Variants in LRCH3 observed in about 807,000 individuals in gnomAD.
The protein encoded by LRCH3 is leucine rich repeats and calponin homology domain containing 3, also known as DISP complex protein LRCH3.
A neutral mutation model predicts 104.5 loss-of-function variants in LRCH3; 68 were observed. The observed-to-expected ratio is 0.65, with a 90% CI of 0.54 to 0.80. The LOEUF is 0.80. Among genes scored for constraint, LRCH3 ranks in the 30% least tolerant of loss-of-function variants. The probability of loss-of-function intolerance (pLI) is 0.00; values close to 1 mark genes in which losing one functional copy is unlikely to be tolerated. For missense variants in LRCH3, 951 were observed against 953.9 expected (o/e 1.00, Z 0.04); for synonymous variants, 344 against 361.3 (o/e 0.95, Z 0.54).
At position 197,854,135 on chromosome 3, in the gene LRCH3, T is replaced by C. The variant is rs889006604; in HGVS notation, c.1591-257T>C. On this transcript the variant is annotated intron_variant, in intron 13 of 20. Transcript: ENST00000425562. This position sits in a 1 kb window ranked among gnomAD's most constrained non-coding sequence, Gnocchi z 4.5. ...CATCTCTCTCCAGCTTTCTGTTCCC[T>C]CCTTGCTTTGTAAGGTTTTAGGCAA... 3.3e-5 allele frequency among the ~76,000 whole-genome samples: 5 copies of C among 152,146 alleles called. No individual in the cohort carries two copies.
chr3:197,849,767 C>T (rs1461244397), intron 12 of LRCH3, among the ~76,000 whole-genome samples: 1 of 152,098 alleles, frequency 6.6e-6, no homozygotes, highest in East Asian at 1.9e-4. Flanking sequence ...ACCTAGACTT[C>T]TGAAAGCCTA....
chr3:197,824,656 C>T (rs913951147), intron 4 of LRCH3, among the ~76,000 whole-genome samples: 10 of 150,566 alleles, frequency 6.6e-5, no homozygotes, highest in Non-Finnish European at 2.9e-5. Context: ...AACCTCTGCC[C>T]CCCCGTCCCG....
At chr3:197,880,142 T>C (rs1713582513) in intron 20 of LRCH3, among the ~76,000 whole-genome samples, 1 of 151,296 alleles carries the variant, frequency 6.6e-6, no homozygotes, top group Non-Finnish European at 1.5e-5. Context: ...AGACGGGGTT[T>C]CACCGTGTTA....
chr3:197,791,715 G>C (rs1038597301), intron 1 of LRCH3, among the ~76,000 whole-genome samples, 175 bp downstream of exon 1: 41 of 152,088 alleles, frequency 2.7e-4, no homozygotes, highest in African/African-American at 9.9e-4. Flanking sequence ...GCCAGACCCA[G>C]AGCCTGGGGA....
rs866761228 is a variant in LRCH3 at position 197,791,507 on chromosome 3, G to A, written c.229G>A (p.Ala77Thr). The change falls in exon 1 of 21, where the codon GCC becomes ACC. Residue 77 changes from alanine to threonine, a missense_variant. Transcript: ENST00000425562. ...ACTGAGGGAGTTTCCCCGGGGAGCG[G>A]CCAACCACGACCTGACGGACACCAC... ...RKLREFPRGA[A>T]NHDLTDTTRA... The A allele has an allele frequency of 1.3e-6, 2 of 1,598,184 alleles. No individual in the cohort carries two copies. Among genetic ancestry groups the A allele is most frequent in the Non-Finnish European group, 1.7e-6 (2 of 1,174,228 alleles).
intron 18 of LRCH3, among the ~76,000 whole-genome samples, chr3:197,870,662 G>A (rs1007709672): frequency 2.6e-5 from 4 of 151,974 alleles, no homozygotes; most frequent in African/African-American, 4.8e-5. Context: ...TTCCGCGCCC[G>A]GCTGTAATTT....
rs1238112120 is a variant in LRCH3 at position 197,854,857 on chromosome 3, T to C, written c.1644+412T>C. On this transcript the variant is annotated intron_variant, in intron 14 of 20. Transcript: ENST00000425562. This position sits in a 1 kb window ranked among gnomAD's most constrained non-coding sequence, Gnocchi z 4.5. ...ATTTGGCATCCAATTTTATGATGTA[T>C]TTTCAGCTACTGAAAATCCTTCACT... is the stretch of plus-strand genomic sequence containing the variant. Among the ~76,000 whole-genome samples the C allele has an allele frequency of 6.6e-6, 1 of 152,216 alleles. No homozygotes were observed. The highest frequency in any genetic ancestry group is 1.9e-4 in the East Asian group (1 of 5,194).
At chr3:197,852,538 T>TG (rs756216299) in intron 12 of LRCH3, 23 bp from the exon 13 acceptor site, 2 of 1,612,738 alleles carry the variant, frequency 1.2e-6, no homozygotes, top group African/African-American at 2.7e-5. Context: ...CTTCCTTTTT[T>TG]GGGGGGTTTT....
chr3:197,798,929 A>C (rs368753626), intron 1 of LRCH3, among the ~76,000 whole-genome samples: 2 of 151,958 alleles, frequency 1.3e-5, no homozygotes, highest in Non-Finnish European at 2.9e-5. Flanking sequence ...CCTTGGACCA[A>C]CCTCCTCTCT....
rs1258231065 is a variant in LRCH3, at chr3:197,884,006, GT to G, written c.*345del. ...TTAGGCACAAGCATGCTGTGCCATT[GT>G]TTTTACCTGGTCTCAAGACAACTGG... On this transcript the variant is annotated 3_prime_UTR_variant, in exon 21 of 21. Transcript: ENST00000425562. 3 of 214,012 alleles carry G rather than the reference GT, an allele frequency of 1.4e-5. No homozygotes were observed. Among genetic ancestry groups the G allele is most frequent in the Non-Finnish European group, 2.8e-5 (3 of 108,566 alleles). The allele number at this position is 214,012 out of a possible 1,614,324, so 13.3% of individuals were successfully genotyped here.
chr3:197,888,298 T>TA lies in LRCH3; in HGVS notation c.*4633dup, dbSNP rs1340568156. The TA allele has an allele frequency of 1.3e-5, 2 of 152,248 alleles. No individual in the cohort carries two copies. Among genetic ancestry groups the TA allele is most frequent in the African/African-American group, 4.8e-5 (2 of 41,452 alleles). 9.4% of individuals were successfully genotyped at this position (152,248 alleles called of 1,614,324 possible). Reference sequence around the variant, plus strand: ...AAAGATTTTGTAAAACATTGTCCTGTATTTTTGTCTGTAAATATATTGCAT... The same window carrying TA: ...AAAGATTTTGTAAAACATTGTCCTGTAATTTTTGTCTGTAAATATATTGCAT... On this transcript the variant is annotated 3_prime_UTR_variant, in exon 21 of 21. Transcript: ENST00000425562.
intron 6 of LRCH3, among the ~76,000 whole-genome samples, chr3:197,830,198 A>T (rs1233131327): frequency 6.6e-6 from 1 of 152,194 alleles, no homozygotes; most frequent in African/African-American, 2.4e-5. Context: ...TCCCTCAGCT[A>T]CACAGCCTGT....
At chr3:197,856,000 A>C (rs1046786506) in intron 14 of LRCH3, among the ~76,000 whole-genome samples, 2 of 152,164 alleles carry the variant, frequency 1.3e-5, no homozygotes, top group African/African-American at 4.8e-5. Context: ...CTCGTGCTCT[A>C]CTGCCTCCCT....
intron 16 of LRCH3, 110 bp from the exon 17 acceptor site, chr3:197,866,002 A>T: frequency 1.3e-6 from 1 of 782,528 alleles, no homozygotes. Flanking sequence ...AAATAGAATT[A>T]TTTTATATCA....
chr3:197,798,720 G>A (rs548769930), intron 1 of LRCH3, among the ~76,000 whole-genome samples: 2 of 152,234 alleles, frequency 1.3e-5, no homozygotes, highest in African/African-American at 4.8e-5. Context: ...TTGAGATTGT[G>A]TTTTTCTTGG....
chr3:197,791,559 GTC>G lies in LRCH3; in HGVS notation c.262+23_262+24del. 6.6e-7 allele frequency: 1 copy of G among 1,521,538 alleles called. No individual in the cohort carries two copies. Among genetic ancestry groups the G allele is most frequent in the Non-Finnish European group, 8.7e-7 (1 of 1,144,012 alleles). 94.3% of individuals were successfully genotyped at this position (1,521,538 alleles called of 1,614,324 possible). On this transcript the variant is annotated intron_variant, in intron 1 of 20. Coordinates refer to ENST00000425562, the MANE Select transcript of LRCH3 (RefSeq NM_001365715.1). Reference sequence around the variant, plus strand: ...CGGGCGGGTGAGCGGGGCGGGGGGCGTCTCTGCCCGTCGGAGACCCGGCGCCG... The same window carrying G: ...CGGGCGGGTGAGCGGGGCGGGGGGCGTCTGCCCGTCGGAGACCCGGCGCCG...
At chr3:197,833,655 T>TG (rs1736278465) in intron 8 of LRCH3, among the ~76,000 whole-genome samples, 1 of 152,212 alleles carries the variant, frequency 6.6e-6, no homozygotes, top group Non-Finnish European at 1.5e-5. Flanking sequence ...TATTTTGCAT[T>TG]GATTATATGT....
chr3:197,862,256 G>A (rs1258349744), intron 15 of LRCH3, among the ~76,000 whole-genome samples: 4 of 151,276 alleles, frequency 2.6e-5, no homozygotes, highest in Non-Finnish European at 5.9e-5. Flanking sequence ...TCTGCCTCCC[G>A]AAGTGCTGGG....
At chr3:197,820,577 G>A (rs965147142) in intron 4 of LRCH3, 147 bp downstream of exon 4, 2 of 599,406 alleles carry the variant, frequency 3.3e-6, no homozygotes, top group Admixed American at 3.1e-5. Flanking sequence ...TTGGGAGGCC[G>A]ATGAGGGAGG....
Sources: allele counts gnomAD v4.1 joint callset (sites outside exome capture counted in the v4.1 genomes callset), GRCh38; gene constraint gnomAD v4.1.1; non-coding constraint Gnocchi (gnomAD v3.1); transcripts MANE v1.5; gene names NCBI Gene and HGNC (gene_info 2026-07-23, HGNC 2026-07-21).